TENM4: variants seen among roughly 807,000 people sequenced by gnomAD.
TENM4 encodes teneurin-4.
A neutral mutation model predicts 243.3 loss-of-function variants in TENM4; 82 were observed. That is an observed-to-expected ratio of 0.34 (90% CI 0.28 to 0.40). The LOEUF (loss-of-function observed/expected upper bound fraction) is 0.40. Ranked by LOEUF, TENM4 falls within the 10% of genes least tolerant of loss-of-function variation. TENM4 has a pLI of 1.00. For synonymous variants in TENM4, 1,412 were observed against 1,456.3 expected (o/e 0.97, Z 0.69); for missense variants, 3,138 against 3,673.3 (o/e 0.85, Z 3.77).
Position 79,415,362 on chromosome 11 carries a change from T to C in TENM4, c.-321+25147A>G, listed in dbSNP as rs889512417. On this transcript the variant is annotated intron_variant, in intron 1 of 33. Coordinates refer to ENST00000278550, the MANE Select transcript of TENM4 (RefSeq NM_001098816.3). The stretch of plus-strand genomic sequence containing the variant: ...GTTGACTCACGTGAATTTTCATTCG[T>C]TTACAGGTGGTTTAGGGTATTTAAG... 2.0e-5 allele frequency among the ~76,000 whole-genome samples: 3 copies of C among 152,210 alleles called. No homozygotes were observed. In the East Asian group the frequency reaches 5.8e-4, roughly 29 times the overall value.
At chr11:78,915,494 G>A (rs1289270396) in intron 6 of TENM4, among the ~76,000 whole-genome samples, 1 of 152,136 alleles carries the variant, frequency 6.6e-6, no homozygotes, top group Non-Finnish European at 1.5e-5. Context: ...ACTGATTCTC[G>A]AGGGGCCTGG....
At chr11:79,327,740 C>T (rs1214427624) in intron 1 of TENM4, among the ~76,000 whole-genome samples, 4 of 147,864 alleles carry the variant, frequency 2.7e-5, no homozygotes, top group Non-Finnish European at 5.9e-5. Context: ...AACATAGTGG[C>T]GAAAAGAAAT....
chr11:78,829,289 C>G (rs1333135857), intron 12 of TENM4, among the ~76,000 whole-genome samples: 3 of 152,208 alleles, frequency 2.0e-5, no homozygotes, highest in African/African-American at 7.2e-5. Flanking sequence ...ACTCCCTGGT[C>G]CATGGCAGAG....
chr11:79,279,169 T>A (rs889546048), intron 2 of TENM4, among the ~76,000 whole-genome samples: 1 of 152,174 alleles, frequency 6.6e-6, no homozygotes, highest in Non-Finnish European at 1.5e-5. Flanking sequence ...GCACCAGCTG[T>A]GGAGGATTTC....
rs1286102216 is a variant in TENM4 at position 78,891,309 on chromosome 11, C to T, written c.777G>A (p.Gly259=). 1 of 1,551,656 alleles carries T rather than the reference C, an allele frequency of 6.4e-7. No homozygotes were observed. The highest frequency in any genetic ancestry group is 8.7e-7 in the Non-Finnish European group (1 of 1,146,996). ...TCTCAATGAGGTTGTCCTGCAATGT[C>T]CCTAGGAATGGCTGCTTGCCTAGGT... ...TRNLGKQPFL[G]TLQDNLIEMD... Residue 259 remains glycine, a synonymous_variant, in exon 8 of 34, where the codon GGG becomes GGA. Transcript: ENST00000278550.
rs551233863 is a variant in TENM4, at chr11:79,205,826, T to G, written c.-163+9982A>C. 2.0e-5 allele frequency among the ~76,000 whole-genome samples: 3 copies of G among 152,362 alleles called. No individual in the cohort carries two copies. In the South Asian group the frequency reaches 6.2e-4, roughly 32 times the overall value. ...TCACTGTATTCTTTATTCTACTTTT[T>G]GATACAAGGAACACTTTATAATTGA... On this transcript the variant is annotated intron_variant, in intron 3 of 33. Transcript: ENST00000278550.
intron 25 of TENM4, among the ~76,000 whole-genome samples, chr11:78,717,895 A>C (rs1859558312): frequency 6.6e-6 from 1 of 152,188 alleles, no homozygotes; most frequent in Non-Finnish European, 1.5e-5. Context: ...CTCTGGGACG[A>C]GGCAAAGATG....
intron 1 of TENM4, among the ~76,000 whole-genome samples, chr11:79,309,200 T>C (rs988497080): frequency 1.3e-5 from 2 of 152,240 alleles, no homozygotes; most frequent in African/African-American, 2.4e-5. Flanking sequence ...CTTGTTTCTA[T>C]ATTAAATTCT....
At chr11:79,049,947 C>CT (rs931165279) in intron 6 of TENM4, among the ~76,000 whole-genome samples, 9 of 152,018 alleles carry the variant, frequency 5.9e-5, no homozygotes, top group Non-Finnish European at 1.3e-4. Flanking sequence ...TGCTGATTTG[C>CT]TTTTTTTTCC....
At chr11:79,034,554 A>C (rs558557402) in intron 6 of TENM4, among the ~76,000 whole-genome samples, 1 of 152,332 alleles carries the variant, frequency 6.6e-6, no homozygotes, top group East Asian at 1.9e-4. Context: ...TGAAACCACC[A>C]TGTAGAAAAT....
intron 1 of TENM4, among the ~76,000 whole-genome samples, chr11:79,343,587 T>G (rs974098266): frequency 6.6e-6 from 1 of 152,098 alleles, no homozygotes; most frequent in African/African-American, 2.4e-5. Flanking sequence ...AAAATGGCCC[T>G]GACTCACCTT....
At chr11:78,862,813 T>A in intron 10 of TENM4, 149 bp downstream of exon 10, 1 of 829,094 alleles carries the variant, frequency 1.2e-6, no homozygotes. Flanking sequence ...ACTGGCAGCT[T>A]GACAGCTGGC....
chr11:79,111,620 G>C (rs959030394), intron 4 of TENM4, among the ~76,000 whole-genome samples: 47 of 152,236 alleles, frequency 3.1e-4, no homozygotes, highest in African/African-American at 8.9e-4. Flanking sequence ...CCCAGTCTCG[G>C]GTATGTCTTT....
At chr11:78,781,301 A>G (rs1240079252) in intron 16 of TENM4, among the ~76,000 whole-genome samples, 1 of 152,234 alleles carries the variant, frequency 6.6e-6, no homozygotes, top group Non-Finnish European at 1.5e-5. Flanking sequence ...CTTTCTCTTC[A>G]GAACTTCAGG....
intron 4 of TENM4, among the ~76,000 whole-genome samples, chr11:79,100,400 C>T (rs1261784273): frequency 6.6e-6 from 1 of 152,210 alleles, no homozygotes; most frequent in Non-Finnish European, 1.5e-5. Context: ...TAGTGTTAGC[C>T]AAGACCTGCC....
At chr11:79,263,131 G>A (rs866423717) in intron 2 of TENM4, among the ~76,000 whole-genome samples, 3 of 152,106 alleles carry the variant, frequency 2.0e-5, no homozygotes, top group South Asian at 4.1e-4. Flanking sequence ...CCCAATGCAT[G>A]GAGGCAGGTG....
intron 4 of TENM4, among the ~76,000 whole-genome samples, chr11:79,136,047 T>C (rs1862104291): frequency 6.6e-6 from 1 of 151,200 alleles, no homozygotes; most frequent in Non-Finnish European, 1.5e-5. Context: ...GAAGAGTGGG[T>C]TGGGGGCAAG....
In TENM4 at chr11:79,220,732, T is replaced by C. The variant is rs1358884891; in HGVS notation, c.-264-4823A>G. ...ATAATTATTCATCTTTACAACTTTC[T>C]TTTCCACCAGACTGGGAGCTCCTTG... On this transcript the variant is annotated intron_variant, in intron 2 of 33. Transcript: ENST00000278550. 2.0e-5 allele frequency among the ~76,000 whole-genome samples: 3 copies of C among 152,174 alleles called. 1 individual carries two copies. Among genetic ancestry groups the C allele is most frequent in the Non-Finnish European group, 4.4e-5 (3 of 68,034 alleles).
At position 78,817,467 on chromosome 11, in the gene TENM4, T is replaced by A. The variant is rs376880155; in HGVS notation, c.1682-3072A>T. Among the ~76,000 whole-genome samples, 5 of 152,156 alleles carry A rather than the reference T, an allele frequency of 3.3e-5. No homozygotes were observed. In the South Asian group the frequency reaches 6.2e-4, roughly 19 times the overall value. ...TCGTTTCAGGGCAAAATGGTCTGGG[T>A]CCCAGCAGAGCAAGGCTTAGGCTGG... On this transcript the variant is annotated intron_variant, in intron 12 of 33. Coordinates refer to ENST00000278550, the MANE Select transcript of TENM4 (RefSeq NM_001098816.3).
Sources: gnomAD v4.1 joint callset for allele counts (sites outside exome capture counted in the v4.1 genomes callset) on GRCh38, gnomAD v4.1.1 for gene constraint, MANE v1.5 for transcripts, NCBI Gene and HGNC (gene_info 2026-07-23, HGNC 2026-07-21) for gene names.